NAALADL2: variants seen among roughly 807,000 people sequenced by gnomAD.
The protein encoded by NAALADL2 is inactive N-acetylated-alpha-linked acidic dipeptidase-like protein 2.
In NAALADL2, 76 loss-of-function variants were observed where a neutral mutation model predicts 87.2. The observed-to-expected ratio is 0.87, with a 90% CI of 0.72 to 1.05. NAALADL2 has a LOEUF of 1.05. NAALADL2 is among the 50% of genes least tolerant of loss of function. The pLI is 0.00. For synonymous variants in NAALADL2, 354 were observed against 331.0 expected (o/e 1.07, Z -0.75); for missense variants, 1,089 against 945.8 (o/e 1.15, Z -1.99).
chr3:174,603,772 G>A (rs1347009615), intron 2 of NAALADL2, among the ~76,000 whole-genome samples: 2 of 151,650 alleles, frequency 1.3e-5, no homozygotes, highest in Admixed American at 6.6e-5. Context: ...TTTGTGTATT[G>A]TATTTCCATT....
intron 11 of NAALADL2, among the ~76,000 whole-genome samples, chr3:175,690,210 G>T (rs990612558): frequency 2.0e-5 from 3 of 151,952 alleles, no homozygotes; most frequent in Non-Finnish European, 4.4e-5. Flanking sequence ...TAAAAATGTA[G>T]GTGTGACTAT....
intron 1 of NAALADL2, among the ~76,000 whole-genome samples, chr3:175,003,297 C>T (rs1748488708): frequency 6.6e-6 from 1 of 152,134 alleles, no homozygotes; most frequent in African/African-American, 2.4e-5. Flanking sequence ...GCAGGATAAT[C>T]ACTGGAGGCC....
chr3:175,746,421 G>A (rs963108650), intron 12 of NAALADL2, among the ~76,000 whole-genome samples: 3 of 149,746 alleles, frequency 2.0e-5, no homozygotes, highest in African/African-American at 7.4e-5. Flanking sequence ...ATTAAGTTAA[G>A]CACCGTACAG....
At chr3:175,430,245 C>G (rs1717528292) in intron 5 of NAALADL2, among the ~76,000 whole-genome samples, 1 of 151,694 alleles carries the variant, frequency 6.6e-6, no homozygotes, top group South Asian at 2.1e-4. Flanking sequence ...AGTAATTAAC[C>G]TGCATATTTT....
chr3:174,842,113 G>A (rs751820190), intron 3 of NAALADL2, among the ~76,000 whole-genome samples: 1 of 150,206 alleles, frequency 6.7e-6, no homozygotes, highest in Non-Finnish European at 1.5e-5. Flanking sequence ...GTGCATTGGC[G>A]TGATCTCTGC....
chr3:175,575,972 G>A, intron 9 of NAALADL2, 69 bp from the exon 10 acceptor site: 1 of 1,303,624 alleles, frequency 7.7e-7, no homozygotes, highest in Non-Finnish European at 1.1e-6. Context: ...ACCATGTTTT[G>A]AGTAGCACTG....
chr3:175,136,398 C>A (rs757085244), intron 2 of NAALADL2, among the ~76,000 whole-genome samples: 9 of 152,130 alleles, frequency 5.9e-5, no homozygotes, highest in Non-Finnish European at 1.2e-4. Context: ...TAAAGCTCAA[C>A]TATTCCAGTG....
intron 4 of NAALADL2, among the ~76,000 whole-genome samples, chr3:175,290,706 T>C (rs554278087): frequency 6.6e-6 from 1 of 152,304 alleles, no homozygotes; most frequent in South Asian, 2.1e-4. Context: ...TTCCACATGC[T>C]TAGTGTTCCA....
At chr3:174,441,886 G>A (rs1032966445) in intron 1 of NAALADL2, among the ~76,000 whole-genome samples, 2 of 152,072 alleles carry the variant, frequency 1.3e-5, no homozygotes, top group African/African-American at 4.8e-5. Context: ...GCATCCTGAG[G>A]AGTGTAAAGG....
intron 2 of NAALADL2, among the ~76,000 whole-genome samples, chr3:175,135,987 T>C (rs1447101616): frequency 6.6e-6 from 1 of 152,122 alleles, no homozygotes; most frequent in African/African-American, 2.4e-5. Flanking sequence ...GACCCAAAGT[T>C]CAAGTGTTAC....
chr3:174,598,214 A>G (rs1418625338), intron 2 of NAALADL2, among the ~76,000 whole-genome samples: 2 of 152,186 alleles, frequency 1.3e-5, no homozygotes, highest in African/African-American at 4.8e-5. Context: ...CTAATAAACT[A>G]AAGGAAACCT....
intron 9 of NAALADL2, among the ~76,000 whole-genome samples, chr3:175,473,393 T>C (rs1350506258): frequency 5.1e-5 from 4 of 78,442 alleles, no homozygotes; most frequent in Non-Finnish European, 1.3e-4. Flanking sequence ...GTATAGAAAA[T>C]ATTTTTTTTC....
intron 1 of NAALADL2, among the ~76,000 whole-genome samples, chr3:175,092,620 G>A (rs1720354152): frequency 1.3e-5 from 2 of 151,836 alleles, no homozygotes; most frequent in East Asian, 3.9e-4. Flanking sequence ...TTGTGAAATA[G>A]CATTCAGAAG....
At chr3:175,432,028 A>G (rs977352377) in intron 5 of NAALADL2, among the ~76,000 whole-genome samples, 1 of 151,730 alleles carries the variant, frequency 6.6e-6, no homozygotes, top group Non-Finnish European at 1.5e-5. Flanking sequence ...CTTCTTGTTG[A>G]GAAAAAAAAA....
intron 3 of NAALADL2, among the ~76,000 whole-genome samples, chr3:174,744,617 A>G (rs1016238961): frequency 1.3e-5 from 2 of 152,106 alleles, no homozygotes; most frequent in African/African-American, 2.4e-5. Flanking sequence ...TATCTTCAGA[A>G]CTCTCCACTG....
At position 175,518,043 on chromosome 3, in the gene NAALADL2, G is replaced by A. The variant is rs536351005; in HGVS notation, c.1653+46285G>A. On this transcript the variant is annotated intron_variant, in intron 9 of 13. Transcript: ENST00000454872. The stretch of plus-strand genomic sequence containing the variant: ...AAGGAGGAGAGAAGATGGAGCTGCC[G>A]TTTTGAACATGCCTAGTCCCAGATA... Among the ~76,000 whole-genome samples, 4 of 152,286 alleles carry A rather than the reference G, an allele frequency of 2.6e-5. No individual in the cohort carries two copies. In the East Asian group the frequency reaches 5.8e-4, roughly 22 times the overall value.
At chr3:174,848,919 T>C (rs755509867) in intron 3 of NAALADL2, among the ~76,000 whole-genome samples, 12 of 152,234 alleles carry the variant, frequency 7.9e-5, no homozygotes, top group Non-Finnish European at 1.5e-4. Flanking sequence ...CTATTGCTCC[T>C]AGGCTGTAAA....
At chr3:175,666,486 T>G (rs1457421149) in intron 11 of NAALADL2, among the ~76,000 whole-genome samples, 11 of 152,186 alleles carry the variant, frequency 7.2e-5, no homozygotes, top group Non-Finnish European at 1.3e-4. Flanking sequence ...ATGCAGGATA[T>G]TATACATGTT....
chr3:175,393,312 A>C (rs1283333405), intron 5 of NAALADL2, among the ~76,000 whole-genome samples: 2 of 146,198 alleles, frequency 1.4e-5, no homozygotes, highest in Non-Finnish European at 3.0e-5. Context: ...AAAAAAAAAA[A>C]AAAATTGTAG....
Sources: gnomAD v4.1 joint callset for allele counts (sites outside exome capture counted in the v4.1 genomes callset) on GRCh38, gnomAD v4.1.1 for gene constraint, MANE v1.5 for transcripts, NCBI Gene and HGNC (gene_info 2026-07-23, HGNC 2026-07-21) for gene names.